Variants in NAPG observed in about 807,000 individuals in gnomAD.
The protein encoded by NAPG is NSF attachment protein gamma, also known as gamma-soluble NSF attachment protein.
In NAPG, 25 loss-of-function variants were observed where a neutral mutation model predicts 48.4. The observed-to-expected ratio is 0.52, with a 90% CI of 0.38 to 0.72. The LOEUF is 0.72. Ranked by LOEUF, NAPG falls within the 30% of genes least tolerant of loss-of-function variation. The pLI, the probability that NAPG is intolerant of heterozygous loss-of-function variation, is 0.00. For synonymous variants in NAPG, 139 were observed against 127.2 expected (o/e 1.09, Z -0.62); for missense variants, 359 against 372.5 (o/e 0.96, Z 0.30).
At position 10,534,706 on chromosome 18, in the gene NAPG, TG is replaced by T. The variant is rs1354159140; in HGVS notation, c.258+211del. On this transcript the variant is annotated intron_variant, in intron 5 of 11. Coordinates refer to ENST00000322897, the MANE Select transcript of NAPG (RefSeq NM_003826.3). This position sits in a 1 kb window ranked among gnomAD's most constrained non-coding sequence, Gnocchi z 5.0. The stretch of plus-strand genomic sequence containing the variant: ...GTTAAAAGTGAAATTTAAGAGAAAA[TG>T]TATTGGAGTGAACTGGGAACACTAA... Among the ~76,000 whole-genome samples the T allele has an allele frequency of 6.6e-5, 10 of 152,152 alleles. No homozygotes were observed. The highest frequency in any genetic ancestry group is 1.5e-4 in the Non-Finnish European group (10 of 68,032).
intron 5 of NAPG, among the ~76,000 whole-genome samples, chr18:10,536,848 G>A (rs684843): frequency 1.9e-4 from 29 of 152,150 alleles, no homozygotes; most frequent in African/African-American, 7.0e-4. Context: ...TATTTGGGGA[G>A]GAAATACAGT....
chr18:10,533,350 G>A (rs2031969108), intron 3 of NAPG, 186 bp from the exon 4 acceptor site: 1 of 451,738 alleles, frequency 2.2e-6, no homozygotes, highest in Non-Finnish European at 3.9e-6. Flanking sequence ...TAGTGGTTTT[G>A]GGAATTATGT....
Position 10,543,142 on chromosome 18 carries a change from AAAAAAAAAG to A in NAPG, c.506+2748_506+2756del, listed in dbSNP as rs1454188424. On this transcript the variant is annotated intron_variant, in intron 8 of 11. Coordinates refer to ENST00000322897, the MANE Select transcript of NAPG (RefSeq NM_003826.3). This position sits in a 1 kb window ranked among gnomAD's most constrained non-coding sequence, Gnocchi z 4.4. Reference sequence around the variant, plus strand: ...GCAGTGAGACTCCCATCTCAAAAAAAAAAAAAAAGAAAAGAAAAGAAAAAAAGACCTTTC... The same window carrying A: ...GCAGTGAGACTCCCATCTCAAAAAAAAAAAGAAAAGAAAAAAAGACCTTTC... Among the ~76,000 whole-genome samples, 1 of 146,708 alleles carries A rather than the reference AAAAAAAAAG, an allele frequency of 6.8e-6. No homozygotes were observed. The highest frequency in any genetic ancestry group is 2.7e-5 in the African/African-American group (1 of 36,874).
In NAPG at chr18:10,548,495, A is replaced by T; in HGVS notation, c.665+117A>T. The T allele has an allele frequency of 3.8e-6, 3 of 784,504 alleles. No homozygotes were observed. The highest frequency in any genetic ancestry group is 6.2e-6 in the Non-Finnish European group (3 of 482,006). 48.6% of individuals were successfully genotyped at this position (784,504 alleles called of 1,614,324 possible). ...GAAACTGTCATTTCTAAATCTTAGGAGTGCTCATCTACCATTTCATCTTTT... is the reference window on the plus strand; with the variant it reads ...GAAACTGTCATTTCTAAATCTTAGGTGTGCTCATCTACCATTTCATCTTTT... On this transcript the variant is annotated intron_variant, in intron 10 of 11. Transcript: ENST00000322897. This position sits in a 1 kb window ranked among gnomAD's most constrained non-coding sequence, Gnocchi z 4.4.
intron 8 of NAPG, chr18:10,540,695 G>T (rs2032137297): frequency 3.9e-6 from 1 of 254,852 alleles, no homozygotes; most frequent in Non-Finnish European, 7.4e-6. Context: ...TACTTGGTTG[G>T]ATTATAATAT....
chr18:10,535,238 A>C (rs969164983), intron 5 of NAPG, among the ~76,000 whole-genome samples: 2 of 152,220 alleles, frequency 1.3e-5, no homozygotes, highest in Non-Finnish European at 2.9e-5. Flanking sequence ...GACTTTTATA[A>C]TGTGAACTTA....
chr18:10,549,145 A>G (rs779292608), intron 11 of NAPG, 49 bp downstream of exon 11: 1 of 1,564,574 alleles, frequency 6.4e-7, no homozygotes, highest in Non-Finnish European at 8.7e-7. Context: ...TGAAAGAAAG[A>G]GGTTTCTAGT....
chr18:10,550,192 A>C lies in NAPG; in HGVS notation c.911A>C (p.Glu304Ala). The change falls in exon 12 of 12, where the codon GAA becomes GCA. Residue 304 changes from glutamate to alanine, a missense_variant. By Grantham distance (107) the Glu-to-Ala change is moderately radical. Coordinates refer to ENST00000322897, the MANE Select transcript of NAPG (RefSeq NM_003826.3). ...GVTATAADEE[E>A]DEYSGGLC is the part of the protein sequence containing the mutation. ...ACTGCCACGGCTGCTGATGAAGAGGAAGATGAATACTCAGGAGGACTATGC... is the reference window on the plus strand; with the variant it reads ...ACTGCCACGGCTGCTGATGAAGAGGCAGATGAATACTCAGGAGGACTATGC... 6.3e-7 allele frequency: 1 copy of C among 1,589,350 alleles called. No homozygotes were observed. The highest frequency in any genetic ancestry group is 8.5e-7 in the Non-Finnish European group (1 of 1,169,796).
chr18:10,550,332 G>T lies in NAPG; in HGVS notation c.*112G>T. 2 of 1,235,108 alleles carry T rather than the reference G, an allele frequency of 1.6e-6. No individual in the cohort carries two copies. The highest frequency in any genetic ancestry group is 2.2e-6 in the Non-Finnish European group (2 of 925,264). The allele number at this position is 1,235,108 out of a possible 1,614,324, so 76.5% of individuals were successfully genotyped here. ...GTACTTCATTACAGTCATGATTTTG[G>T]ATCCTAATAAAGACTAGTTTTTAGT... On this transcript the variant is annotated 3_prime_UTR_variant, in exon 12 of 12. Transcript: ENST00000322897.
In NAPG at chr18:10,548,156, T is replaced by C; in HGVS notation, c.586-143T>C. On this transcript the variant is annotated intron_variant, in intron 9 of 11. Transcript: ENST00000322897. This position sits in a 1 kb window ranked among gnomAD's most constrained non-coding sequence, Gnocchi z 4.4. ...AGGATATTTCCCCTCAGGTGTCCCGTGGAAGTTACTATAGCATTTATAAAT... is the reference window on the plus strand; with the variant it reads ...AGGATATTTCCCCTCAGGTGTCCCGCGGAAGTTACTATAGCATTTATAAAT... The C allele has an allele frequency of 1.6e-6, 1 of 618,374 alleles. No individual in the cohort carries two copies. Among genetic ancestry groups the C allele is most frequent in the South Asian group, 2.0e-5 (1 of 49,450 alleles). The allele number at this position is 618,374 out of a possible 1,614,324, so 38.3% of individuals were successfully genotyped here.
intron 5 of NAPG, among the ~76,000 whole-genome samples, chr18:10,536,286 G>A (rs550627): frequency 0.33 from 50,870 of 152,076 alleles, 8,616 homozygotes; most frequent in East Asian, 0.43. Flanking sequence ...AAATGCCTTT[G>A]GACACTGTTG....
chr18:10,549,602 AGT>A (rs1567895342), intron 11 of NAPG, among the ~76,000 whole-genome samples: 1 of 152,224 alleles, frequency 6.6e-6, no homozygotes, highest in African/African-American at 2.4e-5. Flanking sequence ...TACATTAGTC[AGT>A]GTGTGAGAAA....
At position 10,543,171 on chromosome 18, in the gene NAPG, C is replaced by T. The variant is rs1478570511; in HGVS notation, c.506+2772C>T. ...AAAAAGAAAAGAAAAGAAAAAAAGA[C>T]CTTTCCAGCAAGTTGATCATGACCT... On this transcript the variant is annotated intron_variant, in intron 8 of 11. Transcript: ENST00000322897. This position sits in a 1 kb window ranked among gnomAD's most constrained non-coding sequence, Gnocchi z 4.4. Among the ~76,000 whole-genome samples the T allele has an allele frequency of 6.6e-6, 1 of 151,642 alleles. No homozygotes were observed. The highest frequency in any genetic ancestry group is 1.5e-5 in the Non-Finnish European group (1 of 67,924).
intron 5 of NAPG, among the ~76,000 whole-genome samples, chr18:10,536,831 G>T (rs534325201): frequency 6.6e-6 from 1 of 152,182 alleles, no homozygotes; most frequent in African/African-American, 2.4e-5. Context: ...TAATTAGTGG[G>T]TAGGTATATT....
chr18:10,530,741 T>G, intron 1 of NAPG, 29 bp from the exon 2 acceptor site: 1 of 1,477,314 alleles, frequency 6.8e-7, no homozygotes, highest in South Asian at 1.4e-5. Context: ...GGTTGGTAAC[T>G]CCTGTTAACT....
At chr18:10,538,717 A>G (rs1260777472) in intron 5 of NAPG, among the ~76,000 whole-genome samples, 1 of 152,234 alleles carries the variant, frequency 6.6e-6, no homozygotes, top group African/African-American at 2.4e-5. Context: ...GAGAGTAATC[A>G]TGTGAAGCAT....
In NAPG at chr18:10,544,001, C is replaced by T. The variant is rs947580037; in HGVS notation, c.507-2325C>T. On this transcript the variant is annotated intron_variant, in intron 8 of 11. Transcript: ENST00000322897. The surrounding 1 kb of genome is among the most constrained non-coding windows in gnomAD (Gnocchi z 5.1). The stretch of plus-strand genomic sequence containing the variant: ...ATGTCAAGGAAATAAACAGTTTATG[C>T]GTAAAGAATGCACCCTTTATAGTTA... 2.6e-5 allele frequency among the ~76,000 whole-genome samples: 4 copies of T among 151,970 alleles called. No individual in the cohort carries two copies. The highest frequency in any genetic ancestry group is 4.8e-5 in the African/African-American group (2 of 41,342).
intron 8 of NAPG, among the ~76,000 whole-genome samples, chr18:10,541,686 A>T (rs1360863404): frequency 1.3e-5 from 2 of 152,116 alleles, no homozygotes; most frequent in African/African-American, 4.8e-5. Context: ...ATGCTCCCCG[A>T]CAAGACTCCC....
rs771027079 is a variant in NAPG at position 10,539,719 on chromosome 18, T to G, written c.259-43T>G. ...GATTGTTAACTCTGTTTTTCTTTAATTGATGCATTTGCTGACCTGTCTACT... is the reference window on the plus strand; with the variant it reads ...GATTGTTAACTCTGTTTTTCTTTAAGTGATGCATTTGCTGACCTGTCTACT... On this transcript the variant is annotated intron_variant, in intron 5 of 11. Coordinates refer to ENST00000322897, the MANE Select transcript of NAPG (RefSeq NM_003826.3). The surrounding 1 kb of genome is among the most constrained non-coding windows in gnomAD (Gnocchi z 4.7). 14 of 1,411,344 alleles carry G rather than the reference T, an allele frequency of 9.9e-6. No homozygotes were observed. In the African/African-American group the frequency reaches 1.6e-4, roughly 16 times the overall value. The allele number at this position is 1,411,344 out of a possible 1,614,324, so 87.4% of individuals were successfully genotyped here.
Sources: allele counts gnomAD v4.1 joint callset (sites outside exome capture counted in the v4.1 genomes callset), GRCh38; gene constraint gnomAD v4.1.1; non-coding constraint Gnocchi (gnomAD v3.1); transcripts MANE v1.5; gene names NCBI Gene and HGNC (gene_info 2026-07-23, HGNC 2026-07-21).